Variants in MYH9 observed in about 807,000 individuals in gnomAD.
MYH9 encodes myosin-9.
In MYH9, 29 loss-of-function variants were observed where a neutral mutation model predicts 241.9. That is an observed-to-expected ratio of 0.12 (90% CI 0.09 to 0.16). MYH9 has a LOEUF of 0.16. Ranked by LOEUF, MYH9 falls within the 10% of genes least tolerant of loss-of-function variation. The pLI is 1.00. For missense variants in MYH9, 1,803 were observed against 2,595.5 expected (o/e 0.69, Z 6.63); for synonymous variants, 1,047 against 1,062.6 (o/e 0.99, Z 0.29).
chr22:36,384,639 TATATATATATATAC>T (rs1486714333), intron 1 of MYH9, among the ~76,000 whole-genome samples: 1 of 95,158 alleles, frequency 1.1e-5, no homozygotes, highest in African/African-American at 3.9e-5. Flanking sequence ...TATATATATA[TATATATATATATAC>T]AGCCACTACA....
At chr22:36,350,657 G>A (rs975009873) in intron 1 of MYH9, among the ~76,000 whole-genome samples, 3 of 152,224 alleles carry the variant, frequency 2.0e-5, no homozygotes, top group Non-Finnish European at 2.9e-5. Context: ...CTGTAAACCA[G>A]GTAAGGTATA....
intron 2 of MYH9, among the ~76,000 whole-genome samples, chr22:36,346,779 AT>A (rs1173656159): frequency 6.6e-6 from 1 of 151,808 alleles, no homozygotes; most frequent in Non-Finnish European, 1.5e-5. Flanking sequence ...TAATTTTTTT[AT>A]TTTTTTGTAG....
intron 2 of MYH9, among the ~76,000 whole-genome samples, chr22:36,347,252 C>T (rs370277049): frequency 9.2e-5 from 14 of 152,102 alleles, no homozygotes; most frequent in East Asian, 3.9e-4. Flanking sequence ...CCCTGATCTG[C>T]TGCATGTGCT....
At chr22:36,352,458 A>G (rs2017780972) in intron 1 of MYH9, among the ~76,000 whole-genome samples, 1 of 151,920 alleles carries the variant, frequency 6.6e-6, no homozygotes, top group South Asian at 2.1e-4. Flanking sequence ...ACAGCAAAGA[A>G]CCCATCTGGT....
At chr22:36,348,835 A>AGGGGGGGGGGGGGGGG in intron 2 of MYH9, 69 bp downstream of exon 2, 15 of 868,962 alleles carry the variant, frequency 1.7e-5, no homozygotes, top group East Asian at 1.2e-4. Context: ...GGTGATGGGA[A>AGGGGGGGGGGGGGGGG]GACCCGCCCC....
In MYH9 at chr22:36,365,707, C is replaced by T. The variant is rs372834353; in HGVS notation, c.-19-16452G>A. Reference sequence around the variant, plus strand: ...AACCCCTGACCTCAAGTGATTTGCCCACCTCAGCCTTCCAAAGTGCTGGGA... The same window carrying T: ...AACCCCTGACCTCAAGTGATTTGCCTACCTCAGCCTTCCAAAGTGCTGGGA... On this transcript the variant is annotated intron_variant, in intron 1 of 40. Transcript: ENST00000216181. Among the ~76,000 whole-genome samples, 11 of 152,138 alleles carry T rather than the reference C, an allele frequency of 7.2e-5. No homozygotes were observed. In the East Asian group the frequency reaches 2.1e-3, roughly 29 times the overall value.
At chr22:36,375,246 C>A (rs1450977369) in intron 1 of MYH9, among the ~76,000 whole-genome samples, 2 of 152,204 alleles carry the variant, frequency 1.3e-5, no homozygotes, top group Non-Finnish European at 2.9e-5. Context: ...GGTTGCCTGG[C>A]TAGCTGGTTC....
chr22:36,284,971 G>A, intron 38 of MYH9, 150 bp downstream of exon 38: 2 of 718,678 alleles, frequency 2.8e-6, no homozygotes, highest in Non-Finnish European at 2.3e-6. Flanking sequence ...CCCAACCTGT[G>A]GAAGGGATGA....
chr22:36,330,711 G>A lies in MYH9; in HGVS notation c.491-3223C>T, dbSNP rs996074844. Among the ~76,000 whole-genome samples the A allele has an allele frequency of 1.3e-5, 2 of 152,042 alleles. No individual in the cohort carries two copies. The highest frequency in any genetic ancestry group is 1.3e-4 in the Admixed American group (2 of 15,262). On this transcript the variant is annotated intron_variant, in intron 3 of 40. Transcript: ENST00000216181. The surrounding 1 kb of genome is among the most constrained non-coding windows in gnomAD (Gnocchi z 4.5). ...CCCGCACTGTCATCTCACAGGATGAGCACATTCAGAGTCCGGCCCAATCTG... is the reference window on the plus strand; with the variant it reads ...CCCGCACTGTCATCTCACAGGATGAACACATTCAGAGTCCGGCCCAATCTG...
chr22:36,369,041 A>G (rs2018053511), intron 1 of MYH9, among the ~76,000 whole-genome samples: 1 of 152,040 alleles, frequency 6.6e-6, no homozygotes, highest in African/African-American at 2.4e-5. Context: ...GGTGTATGAT[A>G]CTGCACAGGT....
intron 7 of MYH9, among the ~76,000 whole-genome samples, chr22:36,321,404 G>C (rs907157177): frequency 2.0e-5 from 3 of 152,214 alleles, no homozygotes; most frequent in African/African-American, 7.2e-5. Flanking sequence ...CGAGAGCCTT[G>C]TCTCATTCTT....
chr22:36,321,101 C>T (rs1421719456), intron 7 of MYH9, among the ~76,000 whole-genome samples: 1 of 152,092 alleles, frequency 6.6e-6, no homozygotes, highest in African/African-American at 2.4e-5. Flanking sequence ...TACAGGCGCC[C>T]ACCACCACAC....
At chr22:36,317,709 A>G (rs6000238) in intron 11 of MYH9, among the ~76,000 whole-genome samples, 67,462 of 152,162 alleles carry the variant, frequency 0.44, 18,105 homozygotes, top group East Asian at 0.86. Flanking sequence ...CCTCCACTCC[A>G]GGGGCAGGCA....
At chr22:36,336,452 A>C (rs923862717) in intron 3 of MYH9, among the ~76,000 whole-genome samples, 25 of 152,154 alleles carry the variant, frequency 1.6e-4, no homozygotes, top group African/African-American at 5.3e-4. Flanking sequence ...AGTCCCACCC[A>C]TCCCCCGCTG....
Position 36,293,215 on chromosome 22 carries a change from G to A in MYH9, c.4095+114C>T, listed in dbSNP as rs2016734367. 1 of 1,399,274 alleles carries A rather than the reference G, an allele frequency of 7.1e-7. No homozygotes were observed. The highest frequency in any genetic ancestry group is 2.4e-5 in the East Asian group (1 of 42,200). The allele number at this position is 1,399,274 out of a possible 1,614,324, so 86.7% of individuals were successfully genotyped here. ...GAGAGCACGGTTGGCTTCCCAGGGG[G>A]AGAGCAGCAATGGGCCGGCCCAGCG... On this transcript the variant is annotated intron_variant, in intron 30 of 40. Transcript: ENST00000216181. This position sits in a 1 kb window ranked among gnomAD's most constrained non-coding sequence, Gnocchi z 5.1.
At chr22:36,339,749 C>A (rs1016501141) in intron 3 of MYH9, among the ~76,000 whole-genome samples, 2 of 152,136 alleles carry the variant, frequency 1.3e-5, no homozygotes. Flanking sequence ...ACATAACAAA[C>A]CACTATCCAT....
intron 2 of MYH9, among the ~76,000 whole-genome samples, chr22:36,341,976 T>C (rs1045953974): frequency 2.6e-5 from 4 of 152,224 alleles, no homozygotes; most frequent in African/African-American, 7.2e-5. Context: ...CGCTGAGAGA[T>C]AGTGAAGCTT....
chr22:36,295,356 G>C lies in MYH9; in HGVS notation c.3485+149C>G. The C allele has an allele frequency of 1.3e-6, 1 of 762,968 alleles. No homozygotes were observed. The highest frequency in any genetic ancestry group is 2.2e-6 in the Non-Finnish European group (1 of 457,192). 47.3% of individuals were successfully genotyped at this position (762,968 alleles called of 1,614,324 possible). A position where few individuals can be genotyped will look rare whatever the true frequency, so the allele number is the denominator to read the frequency against. On this transcript the variant is annotated intron_variant, in intron 26 of 40. Coordinates refer to ENST00000216181, the MANE Select transcript of MYH9 (RefSeq NM_002473.6). This position sits in a 1 kb window ranked among gnomAD's most constrained non-coding sequence, Gnocchi z 4.1. Reference sequence around the variant, plus strand: ...TTCTACTCTGTAGAGAGAAACCGCTGAGGAACCAGCAGCTTCCATGCCTGC... The same window carrying C: ...TTCTACTCTGTAGAGAGAAACCGCTCAGGAACCAGCAGCTTCCATGCCTGC...
intron 3 of MYH9, among the ~76,000 whole-genome samples, chr22:36,339,923 C>T (rs181737053): frequency 9.3e-4 from 142 of 152,224 alleles, no homozygotes; most frequent in Admixed American, 2.7e-3. Flanking sequence ...AAAGCACTAC[C>T]AGGGCTCTGA....
Sources: gnomAD v4.1 joint callset for allele counts (sites outside exome capture counted in the v4.1 genomes callset) on GRCh38, gnomAD v4.1.1 for gene constraint, Gnocchi (gnomAD v3.1) non-coding constraint, MANE v1.5 for transcripts, NCBI Gene and HGNC (gene_info 2026-07-23, HGNC 2026-07-21) for gene names.